Variants in KIAA0825 observed in about 807,000 individuals in gnomAD.
The protein encoded by KIAA0825 is uncharacterized protein KIAA0825.
KIAA0825 carries 119 observed loss-of-function variants against 147.6 expected under a neutral mutation model. That is an observed-to-expected ratio of 0.81 (90% confidence interval 0.69 to 0.94). The LOEUF is 0.94. Ranked by LOEUF, KIAA0825 falls within the 40% of genes least tolerant of loss-of-function variation. The probability of loss-of-function intolerance (pLI) is 0.00; values close to 1 mark genes in which losing one functional copy is unlikely to be tolerated. For synonymous variants in KIAA0825, 470 were observed against 518.1 expected, an observed-to-expected ratio of 0.91 and a Z score of 1.26; for missense variants, 1,381 against 1,472.7, an observed-to-expected ratio of 0.94 and a Z score of 1.02.
intron 20 of KIAA0825, among the ~76,000 whole-genome samples, chr5:94,321,199 TTAAATACCCC>T (rs1244824852): frequency 1.3e-5 from 2 of 152,134 alleles, no homozygotes; most frequent in Admixed American, 1.3e-4. Flanking sequence ...TTTTAATGGG[TTAAATACCCC>T]AAGGTCATTG....
chr5:94,209,963 C>T (rs552443618), intron 20 of KIAA0825, among the ~76,000 whole-genome samples: 4 of 152,290 alleles, frequency 2.6e-5, no homozygotes, highest in East Asian at 1.9e-4. Context: ...AGTCTTCCTT[C>T]GCAGAGCCCC....
chr5:94,448,395 C>T (rs1200161091), intron 13 of KIAA0825, among the ~76,000 whole-genome samples: 5 of 151,878 alleles, frequency 3.3e-5, no homozygotes, highest in African/African-American at 1.2e-4. Flanking sequence ...ATGGTCCGTA[C>T]TGCTATTTGT....
rs1484137057 is a variant in KIAA0825, at chr5:94,440,058, A to G, written c.2421T>C (p.Arg807=). 6.4e-7 allele frequency: 1 copy of G among 1,551,634 alleles called. No individual in the cohort carries two copies. The highest frequency in any genetic ancestry group is 1.2e-5 in the South Asian group (1 of 84,058). ...GQLKLLLSQP[R]CNWNLLLETL... is the part of the protein sequence containing the mutation. ...TTTCCAGAAGCAAGTTCCAGTTACA[A>G]CGTGGCTGGGATAAGAGCAGTTTCA... The change falls in exon 14 of 21, where the codon CGT becomes CGC. Residue 807 remains arginine, a synonymous_variant. Transcript: ENST00000682413.
chr5:94,426,188 C>G (rs756475737), intron 14 of KIAA0825, among the ~76,000 whole-genome samples: 60 of 151,768 alleles, frequency 4.0e-4, no homozygotes, highest in Non-Finnish European at 1.9e-4. Flanking sequence ...CCATATGAAT[C>G]AGCAATCCCA....
chr5:94,215,128 G>A (rs908651855), intron 20 of KIAA0825, among the ~76,000 whole-genome samples: 1 of 152,094 alleles, frequency 6.6e-6, no homozygotes, highest in Non-Finnish European at 1.5e-5. Flanking sequence ...GTGTTCAGGG[G>A]ATCAGACAAC....
intron 12 of KIAA0825, 36 bp from the exon 13 acceptor site, chr5:94,453,105 G>A (rs1290584705): frequency 1.9e-6 from 2 of 1,043,970 alleles, no homozygotes; most frequent in Non-Finnish European, 2.8e-6. Context: ...AGAATATACA[G>A]GAAGCATTAA....
intron 12 of KIAA0825, among the ~76,000 whole-genome samples, chr5:94,462,126 C>T (rs1340375259): frequency 6.6e-6 from 1 of 151,754 alleles, no homozygotes; most frequent in African/African-American, 2.4e-5. Flanking sequence ...AAAAATGTTC[C>T]TGATTGTATT....
At chr5:94,452,115 AG>A (rs1032250483) in intron 13 of KIAA0825, among the ~76,000 whole-genome samples, 1 of 152,202 alleles carries the variant, frequency 6.6e-6, no homozygotes, top group Non-Finnish European at 1.5e-5. Context: ...CAATACATTG[AG>A]GTCCTTGAAG....
At chr5:94,373,135 T>G (rs1169579429) in intron 20 of KIAA0825, among the ~76,000 whole-genome samples, 1 of 152,218 alleles carries the variant, frequency 6.6e-6, no homozygotes, top group Non-Finnish European at 1.5e-5. Context: ...TTCAAAACTT[T>G]CTCACATCTT....
intron 20 of KIAA0825, among the ~76,000 whole-genome samples, chr5:94,359,794 G>A (rs187107817): frequency 6.6e-6 from 1 of 152,162 alleles, no homozygotes; most frequent in Non-Finnish European, 1.5e-5. Context: ...TAATTTCCAA[G>A]AATGCAGAAT....
At chr5:94,454,215 TA>T (rs1221219946) in intron 12 of KIAA0825, among the ~76,000 whole-genome samples, 1 of 152,134 alleles carries the variant, frequency 6.6e-6, no homozygotes, top group Non-Finnish European at 1.5e-5. Flanking sequence ...GAGTTAAGAG[TA>T]ATGACTGGGA....
chr5:94,519,083 C>T (rs754652032), intron 5 of KIAA0825: 16 of 357,028 alleles, frequency 4.5e-5, no homozygotes, highest in Non-Finnish European at 5.5e-5. Context: ...CCTAAATTAA[C>T]TGACTTTGTA....
At chr5:94,533,155 T>C (rs1285166712) in intron 3 of KIAA0825, among the ~76,000 whole-genome samples, 1 of 151,022 alleles carries the variant, frequency 6.6e-6, no homozygotes, top group Non-Finnish European at 1.5e-5. Flanking sequence ...ATTTTTTGTA[T>C]TTTTAGTAGA....
At chr5:94,204,368 A>G (rs1363192600) in intron 20 of KIAA0825, among the ~76,000 whole-genome samples, 1 of 152,154 alleles carries the variant, frequency 6.6e-6, no homozygotes, top group African/African-American at 2.4e-5. Context: ...AAAATATAAA[A>G]TTACCCATTA....
chr5:94,465,942 C>G (rs1034040481), intron 10 of KIAA0825, among the ~76,000 whole-genome samples: 3 of 152,130 alleles, frequency 2.0e-5, no homozygotes, highest in Non-Finnish European at 4.4e-5. Context: ...ACCTTATTTT[C>G]TTCAAATCAG....
chr5:94,476,998 T>C (rs1215868995), intron 7 of KIAA0825, 113 bp downstream of exon 7: 7 of 783,938 alleles, frequency 8.9e-6, no homozygotes, highest in Non-Finnish European at 1.4e-5. Context: ...AATTGAAAAA[T>C]TATTTTTTTG....
intron 2 of KIAA0825, among the ~76,000 whole-genome samples, chr5:94,539,226 G>A (rs1373956382): frequency 6.6e-6 from 1 of 152,190 alleles, no homozygotes; most frequent in Non-Finnish European, 1.5e-5. Context: ...GGGGAGGCAT[G>A]AATAATCCAC....
intron 15 of KIAA0825, among the ~76,000 whole-genome samples, chr5:94,410,511 A>C (rs1752622822): frequency 6.6e-6 from 1 of 152,162 alleles, no homozygotes. Flanking sequence ...AGGCAGAAAA[A>C]AATACAAAGA....
intron 20 of KIAA0825, among the ~76,000 whole-genome samples, chr5:94,190,413 TCTC>T (rs1770564518): frequency 6.6e-6 from 1 of 151,844 alleles, no homozygotes; most frequent in Non-Finnish European, 1.5e-5. Flanking sequence ...GCAAGCTCCT[TCTC>T]CTGGATTCAC....
Sources: gnomAD v4.1 joint callset for allele counts (sites outside exome capture counted in the v4.1 genomes callset) on GRCh38, gnomAD v4.1.1 for gene constraint, MANE v1.5 for transcripts, NCBI Gene and HGNC (gene_info 2026-07-23, HGNC 2026-07-21) for gene names.